Variants in SLC25A26 observed in about 807,000 individuals in gnomAD.
The protein encoded by SLC25A26 is solute carrier family 25 member 26.
SLC25A26 carries 36 observed loss-of-function variants against 37.8 expected under a neutral mutation model. That is an observed-to-expected ratio of 0.95 (90% CI 0.73 to 1.26). The LOEUF (loss-of-function observed/expected upper bound fraction) is 1.26, where lower values mean the gene tolerates loss of function less well. Ranked by LOEUF, SLC25A26 falls within the 50% of genes most tolerant of loss-of-function variation. The pLI is 0.00. For missense variants in SLC25A26, 390 were observed against 331.1 expected (o/e 1.18, Z -1.38); for synonymous variants, 129 against 122.5 (o/e 1.05, Z -0.35).
intron 5 of SLC25A26, among the ~76,000 whole-genome samples, chr3:66,277,639 C>T (rs538983199): frequency 1.4e-4 from 21 of 152,024 alleles, no homozygotes; most frequent in East Asian, 3.9e-4. Context: ...TTTTAAAAAA[C>T]GAATATCATA....
At chr3:66,281,954 C>G (rs890818512) in intron 5 of SLC25A26, among the ~76,000 whole-genome samples, 1 of 147,468 alleles carries the variant, frequency 6.8e-6, no homozygotes, top group African/African-American at 2.5e-5. Flanking sequence ...TCCCGAGTAA[C>G]TGGGATTACA....
At chr3:66,158,370 G>T (rs2070312554) in intron 1 of SLC25A26, among the ~76,000 whole-genome samples, 1 of 152,058 alleles carries the variant, frequency 6.6e-6, no homozygotes, top group Non-Finnish European at 1.5e-5. Context: ...GGAAATTTGG[G>T]TTCTTTCATT....
rs917253693 is a variant in SLC25A26, at chr3:66,212,269, G to A, written c.-353-8473G>A. On this transcript the variant is annotated intron_variant, in intron 1 of 10. Transcript: ENST00000676754. ...TGGGACTACAGGTGCACACCACCAT[G>A]CCTGGTTAATAAATTTTTTTTTTTT... Among the ~76,000 whole-genome samples, 64 of 151,954 alleles carry A rather than the reference G, an allele frequency of 4.2e-4. 1 individual carries two copies. The South Asian group carries it at 0.013, about 30-fold the overall frequency.
rs565222991 is a variant in SLC25A26 at position 66,374,916 on chromosome 3, G to A, written c.708-2774G>A. Among the ~76,000 whole-genome samples the A allele has an allele frequency of 2.6e-5, 4 of 152,068 alleles. No individual in the cohort carries two copies. In the South Asian group the frequency reaches 6.2e-4, roughly 24 times the overall value. On this transcript the variant is annotated intron_variant, in intron 9 of 9. Transcript: ENST00000354883. Reference sequence around the variant, plus strand: ...TAATTAATTAAAAATAAAAGCTGGAGATGATTAAATTTAGTGAGGAAGGCA... The same window carrying A: ...TAATTAATTAAAAATAAAAGCTGGAAATGATTAAATTTAGTGAGGAAGGCA...
At chr3:66,250,280 A>C (rs1160107107) in intron 3 of SLC25A26, among the ~76,000 whole-genome samples, 1 of 152,162 alleles carries the variant, frequency 6.6e-6, no homozygotes, top group African/African-American at 2.4e-5. Flanking sequence ...GAAGTTCCTA[A>C]TACGTTCCAG....
intron 7 of SLC25A26, among the ~76,000 whole-genome samples, chr3:66,365,993 T>C (rs908825379): frequency 3.3e-5 from 5 of 152,168 alleles, no homozygotes; most frequent in Non-Finnish European, 7.3e-5. Flanking sequence ...TGTAGGAAGG[T>C]GGCTACTTTG....
intron 5 of SLC25A26, among the ~76,000 whole-genome samples, chr3:66,277,336 A>C (rs528774814): frequency 2.1e-4 from 32 of 152,270 alleles, no homozygotes; most frequent in Non-Finnish European, 3.8e-4. Context: ...ATCAAAAATG[A>C]GTGTCATAAC....
rs79385733 is a variant in SLC25A26 at position 66,352,672 on chromosome 3, C to T, written c.498+6264C>T. The stretch of plus-strand genomic sequence containing the variant: ...ATATGTCATTACCGAGTGTCTATTA[C>T]GTGCCAGGCATTTTCCAGGGTCTGG... On this transcript the variant is annotated intron_variant, in intron 6 of 9. Coordinates refer to ENST00000354883, the MANE Select transcript of SLC25A26 (RefSeq NM_001379210.1). Among the ~76,000 whole-genome samples, 468 of 151,980 alleles carry T rather than the reference C, an allele frequency of 3.1e-3. 3 individuals are homozygous for T. Among genetic ancestry groups the T allele is most frequent in the East Asian group, 0.016 (85 of 5,162 alleles).
intron 1 of SLC25A26, among the ~76,000 whole-genome samples, chr3:66,210,534 A>G (rs1016032094): frequency 3.1e-3 from 472 of 151,166 alleles, no homozygotes; most frequent in Middle Eastern, 0.01. Flanking sequence ...TTTTTTCTTG[A>G]GATGGGGGTC....
intron 5 of SLC25A26, among the ~76,000 whole-genome samples, chr3:66,268,070 A>C (rs1413090863): frequency 6.6e-6 from 1 of 152,164 alleles, no homozygotes. Context: ...CTGCTTTCTA[A>C]CCTACTTTGT....
intron 1 of SLC25A26, among the ~76,000 whole-genome samples, chr3:66,210,937 CAT>C (rs2071277032): frequency 6.6e-6 from 1 of 152,188 alleles, no homozygotes; most frequent in Non-Finnish European, 1.5e-5. Context: ...TAAAAGCAAA[CAT>C]ATGTCTACTG....
intron 1 of SLC25A26, among the ~76,000 whole-genome samples, chr3:66,188,790 G>A (rs2070880063): frequency 1.3e-5 from 2 of 151,376 alleles, no homozygotes; most frequent in Admixed American, 1.3e-4. Flanking sequence ...CCCTGGCACT[G>A]TATCTGACTC....
chr3:66,257,759 A>G (rs1237985164), intron 3 of SLC25A26, among the ~76,000 whole-genome samples: 1 of 152,040 alleles, frequency 6.6e-6, no homozygotes, highest in African/African-American at 2.4e-5. Context: ...CTCTGAATCC[A>G]TCTCCTAACA....
At chr3:66,185,793 C>T (rs1326927653) in intron 1 of SLC25A26, among the ~76,000 whole-genome samples, 1 of 151,958 alleles carries the variant, frequency 6.6e-6, no homozygotes, top group East Asian at 1.9e-4. Flanking sequence ...CCCTGACTCT[C>T]ACCTCTCTTT....
chr3:66,304,954 A>G (rs897687870), intron 5 of SLC25A26, among the ~76,000 whole-genome samples: 4 of 152,186 alleles, frequency 2.6e-5, no homozygotes, highest in Non-Finnish European at 5.9e-5. Flanking sequence ...TTTGTCACCA[A>G]AAAGTGTATC....
chr3:66,304,144 C>T (rs914304717), intron 5 of SLC25A26, among the ~76,000 whole-genome samples: 6 of 152,150 alleles, frequency 3.9e-5, no homozygotes, highest in African/African-American at 1.4e-4. Flanking sequence ...AACTCAGAAC[C>T]AACTGATGGG....
upstream of SLC25A26, among the ~76,000 whole-genome samples, chr3:66,216,188 A>T (rs996930904): frequency 6.6e-6 from 1 of 152,224 alleles, no homozygotes; most frequent in East Asian, 1.9e-4. Flanking sequence ...TGGGGGACAC[A>T]TTCAGATCTT....
chr3:66,241,245 T>G (rs782128717), intron 2 of SLC25A26, among the ~76,000 whole-genome samples: 1 of 152,230 alleles, frequency 6.6e-6, no homozygotes, highest in Admixed American at 6.5e-5. Context: ...TGTGACTTAA[T>G]TGGTCTGAGG....
Position 66,234,207 on chromosome 3 carries a change from C to T in SLC25A26, c.34-2337C>T, listed in dbSNP as rs191280702. ...TCCTGGGCTCAAGCGATCCTCCTGC[C>T]TCAGCCTCCCAGGTAGCTGGGATTA... On this transcript the variant is annotated intron_variant, in intron 1 of 9. Coordinates refer to ENST00000354883, the MANE Select transcript of SLC25A26 (RefSeq NM_001379210.1). Among the ~76,000 whole-genome samples the T allele has an allele frequency of 6.2e-3, 950 of 152,308 alleles. 10 individuals are homozygous for T. The highest frequency in any genetic ancestry group is 0.022 in the African/African-American group (901 of 41,558).
Sources: allele counts gnomAD v4.1 joint callset (sites outside exome capture counted in the v4.1 genomes callset), GRCh38; gene constraint gnomAD v4.1.1; transcripts MANE v1.5; gene names NCBI Gene and HGNC (gene_info 2026-07-23, HGNC 2026-07-21).